NAALADL2: variants seen among roughly 807,000 people sequenced by gnomAD.
NAALADL2 encodes the protein inactive N-acetylated-alpha-linked acidic dipeptidase-like protein 2.
NAALADL2 carries 76 observed loss-of-function variants against 87.2 expected under a neutral mutation model. That is an observed-to-expected ratio of 0.87 (90% confidence interval 0.72 to 1.05). The LOEUF (loss-of-function observed/expected upper bound fraction) is 1.05. Ranked by LOEUF, NAALADL2 falls within the 50% of genes least tolerant of loss-of-function variation. NAALADL2 has a pLI of 0.00. For synonymous variants in NAALADL2, 354 were observed against 331.0 expected (o/e 1.07, Z -0.75); for missense variants, 1,089 against 945.8 (o/e 1.15, Z -1.99).
At chr3:174,891,531 G>A (rs1054929142) in intron 1 of NAALADL2, among the ~76,000 whole-genome samples, 5 of 152,126 alleles carry the variant, frequency 3.3e-5, no homozygotes, top group African/African-American at 1.2e-4. Context: ...ATTGAACTCA[G>A]TGCTGTTCTG....
intron 5 of NAALADL2, among the ~76,000 whole-genome samples, chr3:175,362,247 C>G (rs984710843): frequency 6.8e-6 from 1 of 148,124 alleles, no homozygotes; most frequent in Non-Finnish European, 1.5e-5. Flanking sequence ...GGTACCAGTA[C>G]CATGCTGTTT....
intron 1 of NAALADL2, among the ~76,000 whole-genome samples, chr3:175,087,318 C>G (rs932539505): frequency 6.6e-6 from 1 of 152,168 alleles, no homozygotes; most frequent in African/African-American, 2.4e-5. Flanking sequence ...CTGCCCCTTC[C>G]GGGAAGGAGG....
intron 11 of NAALADL2, among the ~76,000 whole-genome samples, chr3:175,716,397 A>T (rs931381464): frequency 6.7e-6 from 1 of 149,948 alleles, no homozygotes. Context: ...ACACTAACAA[A>T]AAGTCTATGA....
chr3:175,287,908 C>T (rs965998706), intron 4 of NAALADL2, among the ~76,000 whole-genome samples: 1 of 152,074 alleles, frequency 6.6e-6, no homozygotes, highest in Non-Finnish European at 1.5e-5. Flanking sequence ...CTAAAATTTT[C>T]CCCAAAAATG....
intron 5 of NAALADL2, among the ~76,000 whole-genome samples, chr3:175,390,731 A>C (rs1387229330): frequency 6.6e-6 from 1 of 152,148 alleles, no homozygotes; most frequent in African/African-American, 2.4e-5. Context: ...TATAAACATA[A>C]ATTTCTTTTG....
intron 3 of NAALADL2, among the ~76,000 whole-genome samples, chr3:174,796,552 T>C (rs902392682): frequency 1.3e-5 from 2 of 151,992 alleles, no homozygotes; most frequent in Admixed American, 6.6e-5. Context: ...AAAGACATGA[T>C]TTAATTGTTT....
intron 1 of NAALADL2, among the ~76,000 whole-genome samples, chr3:174,540,489 G>A (rs1722126748): frequency 1.3e-5 from 2 of 152,080 alleles, no homozygotes; most frequent in Non-Finnish European, 2.9e-5. Flanking sequence ...AGTTACTAAA[G>A]GTAATTGTTA....
intron 5 of NAALADL2, among the ~76,000 whole-genome samples, chr3:175,444,033 G>A (rs1399362300): frequency 6.6e-6 from 1 of 152,152 alleles, no homozygotes. Context: ...CGTGGCTCAT[G>A]GAGTATGTAA....
rs77953851 is a variant in NAALADL2, at chr3:175,772,823, C to A, written c.2189+17405C>A. Among the ~76,000 whole-genome samples the A allele has an allele frequency of 2.7e-3, 418 of 152,260 alleles. 2 individuals are homozygous for A. In the Middle Eastern group the frequency reaches 0.041, roughly 15 times the overall value. ...GATCCTTCCCGCTGTTGTAACCTAA[C>A]TTCTGTGACATTTTAGTGTTACTTC... On this transcript the variant is annotated intron_variant, in intron 13 of 13. Coordinates refer to ENST00000454872, the MANE Select transcript of NAALADL2 (RefSeq NM_207015.3).
chr3:174,930,805 T>A (rs1429463452), intron 1 of NAALADL2, among the ~76,000 whole-genome samples: 1 of 151,354 alleles, frequency 6.6e-6, no homozygotes, highest in Non-Finnish European at 1.5e-5. Context: ...TGTATTTTTA[T>A]TAGAGACGGG....
intron 9 of NAALADL2, among the ~76,000 whole-genome samples, chr3:175,492,480 A>G (rs1449690372): frequency 2.0e-5 from 3 of 152,200 alleles, no homozygotes; most frequent in Admixed American, 6.5e-5. Context: ...GTGCCATTCA[A>G]AGGGAGAGAT....
At position 174,587,610 on chromosome 3, in the gene NAALADL2, G is replaced by T. The variant is rs866763370; in HGVS notation, c.-115+36973G>T. ...TCTCAGCATTTGCTTCTCTGTAAAG[G>T]ATTTTATTTCTCCTTCACTTATGAA... On this transcript the variant is annotated intron_variant, in intron 2 of 3. Transcript: ENST00000434257. 1.2e-4 allele frequency among the ~76,000 whole-genome samples: 19 copies of T among 152,136 alleles called. No individual in the cohort carries two copies. The South Asian group carries it at 3.7e-3, about 30-fold the overall frequency.
intron 11 of NAALADL2, among the ~76,000 whole-genome samples, chr3:175,674,511 G>T (rs1734493459): frequency 6.6e-6 from 1 of 151,936 alleles, no homozygotes; most frequent in African/African-American, 2.4e-5. Flanking sequence ...TGATCAGCCT[G>T]CCTCGGCCTC....
chr3:174,460,403 TA>T (rs1489690135), intron 1 of NAALADL2, among the ~76,000 whole-genome samples: 1 of 151,984 alleles, frequency 6.6e-6, no homozygotes, highest in Non-Finnish European at 1.5e-5. Flanking sequence ...GATAGAAAAG[TA>T]CAACTATTTA....
intron 11 of NAALADL2, among the ~76,000 whole-genome samples, chr3:175,730,389 A>T (rs1489533091): frequency 4.1e-5 from 4 of 96,404 alleles, no homozygotes; most frequent in African/African-American, 1.5e-4. Flanking sequence ...CAGAAAACTT[A>T]ATACAGATAT....
chr3:175,788,566 G>A (rs1752394075), intron 13 of NAALADL2, among the ~76,000 whole-genome samples: 1 of 152,162 alleles, frequency 6.6e-6, no homozygotes, highest in Non-Finnish European at 1.5e-5. Context: ...GCCTAGGTGT[G>A]TAGTAGGCTA....
chr3:175,651,361 A>G (rs1045590090), intron 11 of NAALADL2, among the ~76,000 whole-genome samples: 2 of 152,146 alleles, frequency 1.3e-5, no homozygotes, highest in African/African-American at 4.8e-5. Flanking sequence ...TTTTTACTCT[A>G]TGTTATGGGC....
chr3:175,369,648 T>G (rs1766199710), intron 5 of NAALADL2: 1 of 152,410 alleles, frequency 6.6e-6, no homozygotes, highest in Admixed American at 6.6e-5. Context: ...TGTGTGTGTA[T>G]GTGTAGCAGG....
intron 2 of NAALADL2, among the ~76,000 whole-genome samples, chr3:175,105,577 C>CAT (rs1038061463): frequency 2.7e-5 from 4 of 148,702 alleles, no homozygotes; most frequent in African/African-American, 9.9e-5. Flanking sequence ...TATTCATACA[C>CAT]ACACACATAC....
Sources: allele counts gnomAD v4.1 joint callset (sites outside exome capture counted in the v4.1 genomes callset), GRCh38; gene constraint gnomAD v4.1.1; transcripts MANE v1.5; gene names NCBI Gene and HGNC (gene_info 2026-07-23, HGNC 2026-07-21).